The following AMDHD1 variants were observed in gnomAD, a reference collection of about 807,000 sequenced individuals.
The protein encoded by AMDHD1 is amidohydrolase domain containing 1.
A neutral mutation model predicts 44.1 loss-of-function variants in AMDHD1; 45 were observed. The ratio of observed to expected loss-of-function variants is 1.02; its 90% CI spans 0.80 to 1.31. The LOEUF (loss-of-function observed/expected upper bound fraction) is 1.31. Among genes scored for constraint, AMDHD1 ranks in the 50% most tolerant of loss-of-function variants. AMDHD1 has a pLI of 0.00. For synonymous variants in AMDHD1, 206 were observed against 205.0 expected, an observed-to-expected ratio of 1.00 and a Z score of -0.04; for missense variants, 586 against 552.1, an observed-to-expected ratio of 1.06 and a Z score of -0.61.
In AMDHD1 at chr12:95,968,105, G is replaced by T. The variant is rs368599224; in HGVS notation, c.*262G>T. The T allele has an allele frequency of 5.3e-4, 129 of 242,250 alleles. 1 individual carries two copies. In the South Asian group the frequency reaches 9.6e-3, roughly 18 times the overall value. 15.0% of individuals were successfully genotyped at this position (242,250 alleles called of 1,614,324 possible). On this transcript the variant is annotated 3_prime_UTR_variant, in exon 9 of 9. Coordinates refer to ENST00000266736, the MANE Select transcript of AMDHD1 (RefSeq NM_152435.3). The stretch of plus-strand genomic sequence containing the variant: ...CACAAATATTGGTTACAAATATTCT[G>T]TAGATTAATATGGTGGGGTATCACA...
At chr12:95,951,594 C>T (rs1279025262) in intron 1 of AMDHD1, among the ~76,000 whole-genome samples, 2 of 152,170 alleles carry the variant, frequency 1.3e-5, no homozygotes, top group Non-Finnish European at 2.9e-5. Context: ...CTTTCTTTTG[C>T]ATATAGATCT....
Position 95,956,727 on chromosome 12 carries a change from G to A in AMDHD1, c.352G>A (p.Gly118Arg), listed in dbSNP as rs751426964. 3.1e-6 allele frequency: 5 copies of A among 1,614,094 alleles called. No individual in the cohort carries two copies. In the South Asian group the frequency reaches 3.3e-5, roughly 11 times the overall value. Reference sequence around the variant, plus strand: ...CATGGAAATTCACCAGGCCGGAGGAGGGATCCACTTTACCGTGGAGCGCAC... The same window carrying A: ...CATGGAAATTCACCAGGCCGGAGGAAGGATCCACTTTACCGTGGAGCGCAC... ...TYMEIHQAGG[G>R]IHFTVERTRQ... is the part of the protein sequence containing the mutation. Residue 118 changes from glycine to arginine, a missense_variant, in exon 4 of 9, where the codon GGG (glycine) becomes AGG (arginine). By Grantham distance (125) the Gly-to-Arg change is moderately radical (BLOSUM62 -2). Coordinates refer to ENST00000266736, the MANE Select transcript of AMDHD1 (RefSeq NM_152435.3).
intron 5 of AMDHD1, among the ~76,000 whole-genome samples, chr12:95,961,283 G>A (rs570163124): frequency 1.3e-5 from 2 of 152,244 alleles, no homozygotes; most frequent in South Asian, 4.2e-4. Context: ...ATCTTTCTGT[G>A]GCAGCATCCA....
chr12:95,953,553 C>T (rs2080534665), intron 2 of AMDHD1, among the ~76,000 whole-genome samples: 4 of 152,024 alleles, frequency 2.6e-5, no homozygotes, highest in Admixed American at 1.3e-4. Context: ...TTATTGTACA[C>T]ATCTGACAGA....
At chr12:95,950,875 T>TA (rs56813751) in intron 1 of AMDHD1, among the ~76,000 whole-genome samples, 97,366 of 152,004 alleles carry the variant, frequency 0.64, 32,099 homozygotes, top group East Asian at 0.95. Flanking sequence ...TCTACTAGTG[T>TA]AAAAAAGGGA....
chr12:95,954,622 T>C (rs1209967100), intron 2 of AMDHD1, among the ~76,000 whole-genome samples: 1 of 147,556 alleles, frequency 6.8e-6, no homozygotes, highest in African/African-American at 2.4e-5. Flanking sequence ...GCTTATTTGG[T>C]GAGCATGGAC....
intron 1 of AMDHD1, among the ~76,000 whole-genome samples, chr12:95,950,538 A>G (rs1356399687): frequency 6.6e-6 from 1 of 152,230 alleles, no homozygotes; most frequent in Non-Finnish European, 1.5e-5. Flanking sequence ...AGTGGCTGAA[A>G]CAAGATGGAA....
intron 1 of AMDHD1, among the ~76,000 whole-genome samples, chr12:95,952,427 G>A (rs2080529311): frequency 6.6e-6 from 1 of 152,202 alleles, no homozygotes; most frequent in East Asian, 1.9e-4. Context: ...TGTTTTTTAT[G>A]CCAGTACCAT....
At chr12:95,954,580 A>ATAAC (rs59502857) in intron 2 of AMDHD1, among the ~76,000 whole-genome samples, 1 of 150,344 alleles carries the variant, frequency 6.7e-6, no homozygotes, top group Non-Finnish European at 1.5e-5. Context: ...AAATAAATAA[A>ATAAC]ATAAAATAAA....
chr12:95,965,628 C>A, intron 6 of AMDHD1, 58 bp from the exon 7 acceptor site: 1 of 1,155,770 alleles, frequency 8.7e-7, no homozygotes, highest in Admixed American at 2.0e-5. Flanking sequence ...CTGTTCTGAA[C>A]AGCTATTCTA....
chr12:95,950,526 A>G (rs1281375999), intron 1 of AMDHD1, among the ~76,000 whole-genome samples: 2 of 152,252 alleles, frequency 1.3e-5, no homozygotes, highest in African/African-American at 2.4e-5. Flanking sequence ...ACCTAAATTA[A>G]TAGTGGCTGA....
chr12:95,948,441 A>G (rs2080510993), intron 1 of AMDHD1, among the ~76,000 whole-genome samples: 1 of 45,540 alleles, frequency 2.2e-5, no homozygotes. Flanking sequence ...CCCTACTGGG[A>G]AGTGAGGAGC....
chr12:95,964,678 A>G (rs1285687783), intron 6 of AMDHD1, among the ~76,000 whole-genome samples: 2 of 152,162 alleles, frequency 1.3e-5, no homozygotes, highest in Non-Finnish European at 2.9e-5. Flanking sequence ...CTCTAGGATG[A>G]GAATTATCTC....
At chr12:95,962,249 G>A in intron 5 of AMDHD1, 106 bp from the exon 6 acceptor site, 1 of 1,468,072 alleles carries the variant, frequency 6.8e-7, no homozygotes, top group Non-Finnish European at 9.1e-7. Flanking sequence ...TGGCTACAGA[G>A]CAAGACTCCG....
At position 95,965,681 on chromosome 12, in the gene AMDHD1, C is replaced by T. The variant is rs749707061; in HGVS notation, c.939-5C>T. The T allele has an allele frequency of 8.1e-6, 13 of 1,609,354 alleles. No homozygotes were observed. In the South Asian group the frequency reaches 1.3e-4, roughly 16 times the overall value. On this transcript the variant is annotated splice_region_variant and splice_polypyrimidine_tract_variant and intron_variant, in intron 6 of 8. Transcript: ENST00000266736. ...GAGACTGACATATTTTTTTCCTCCC[C>T]TTAGACTGAAACAACCTCGAGCCAG...
chr12:95,965,647 C>T (rs980278801), intron 6 of AMDHD1, 39 bp from the exon 7 acceptor site: 5 of 1,423,506 alleles, frequency 3.5e-6, no homozygotes, highest in East Asian at 4.6e-5. Flanking sequence ...TACAAAAGCT[C>T]CCATTCTAGA....
chr12:95,959,067 A>AAG (rs2080566519), intron 4 of AMDHD1, among the ~76,000 whole-genome samples: 1 of 45,246 alleles, frequency 2.2e-5, no homozygotes, highest in South Asian at 4.1e-4. Context: ...AAAAAGAAGA[A>AAG]AAAAAAAAGA....
intron 7 of AMDHD1, 134 bp downstream of exon 7, chr12:95,965,913 G>GCTTCTT (rs1227342287): frequency 1.6e-6 from 1 of 621,220 alleles, no homozygotes; most frequent in Non-Finnish European, 2.6e-6. Flanking sequence ...GAAAAAAAGG[G>GCTTCTT]GTAGACAGCA....
chr12:95,955,138 A>T (rs981556008), intron 3 of AMDHD1, among the ~76,000 whole-genome samples, 163 bp downstream of exon 3: 6 of 152,236 alleles, frequency 3.9e-5, no homozygotes, highest in Admixed American at 3.3e-4. Context: ...AAACTTATTT[A>T]TAACTGCCCC....
Sources: allele counts gnomAD v4.1 joint callset (sites outside exome capture counted in the v4.1 genomes callset), GRCh38; gene constraint gnomAD v4.1.1; transcripts MANE v1.5; gene names NCBI Gene and HGNC (gene_info 2026-07-23, HGNC 2026-07-21).